Variants in FAM181A observed in about 807,000 individuals in gnomAD.
The protein encoded by FAM181A is family with sequence similarity 181 member A.
A neutral mutation model predicts 16.3 loss-of-function variants in FAM181A; 7 were observed. That is an observed-to-expected ratio of 0.43 (90% CI 0.24 to 0.81). The LOEUF (loss-of-function observed/expected upper bound fraction) is 0.81. Among genes scored for constraint, FAM181A ranks in the 30% least tolerant of loss-of-function variants. The pLI is 0.24. For missense variants in FAM181A, 349 were observed against 377.5 expected (o/e 0.92, Z 0.63); for synonymous variants, 183 against 164.9 (o/e 1.11, Z -0.84).
At chr14:93,925,309 A>C, upstream of FAM181A, 1 of 1,613,800 alleles carries the variant, frequency 6.2e-7, no homozygotes, top group Non-Finnish European at 8.5e-7. Context: ...GGAGAGAGGA[A>C]TGATGCAGCC....
intron 1 of FAM181A, among the ~76,000 whole-genome samples, chr14:93,921,704 A>C (rs1381697143): frequency 6.6e-6 from 1 of 151,268 alleles, no homozygotes; most frequent in African/African-American, 2.4e-5. Flanking sequence ...GTCGGGCCTA[A>C]CTCTCCAGGG....
upstream of FAM181A, among the ~76,000 whole-genome samples, chr14:93,923,040 T>C (rs1421589057): frequency 6.6e-6 from 1 of 152,010 alleles, no homozygotes; most frequent in Non-Finnish European, 1.5e-5. Flanking sequence ...AATGGCACAA[T>C]CTCAGCTCAC....
chr14:93,928,600 G>A lies in FAM181A; in HGVS notation c.315G>A (p.Arg105=). ...CKEKVLRNPY[R]EECLAKEQLP... is the part of the protein sequence containing the mutation. ...AGAAGGTGCTGAGGAACCCCTACAG[G>A]GAGGAATGTCTTGCTAAGGAGCAGC... The change falls in exon 2 of 2, where the codon AGG becomes AGA. Residue 105 remains arginine, a synonymous_variant. Transcript: ENST00000556222. The A allele has an allele frequency of 6.2e-7, 1 of 1,613,936 alleles. No individual in the cohort carries two copies. Among genetic ancestry groups the A allele is most frequent in the South Asian group, 1.1e-5 (1 of 91,088 alleles).
chr14:93,924,944 C>G (rs922327860), upstream of FAM181A: 10 of 352,230 alleles, frequency 2.8e-5, no homozygotes, highest in Non-Finnish European at 5.1e-5. Context: ...GAATACGGCT[C>G]TTGGCACATG....
chr14:93,921,617 G>A (rs575861596), intron 1 of FAM181A, among the ~76,000 whole-genome samples: 92 of 152,324 alleles, frequency 6.0e-4, no homozygotes, highest in African/African-American at 2.1e-3. Context: ...TGTCTGCGTC[G>A]CATGTCCACA....
chr14:93,924,207 A>G (rs560715290), upstream of FAM181A, among the ~76,000 whole-genome samples: 37 of 152,330 alleles, frequency 2.4e-4, 1 homozygote, highest in South Asian at 6.8e-3. Context: ...GTTAGACTTC[A>G]TCTTTGACTC....
At position 93,928,752 on chromosome 14, in the gene FAM181A, G is replaced by A. The variant is rs1211671570; in HGVS notation, c.467G>A (p.Gly156Glu). ...THSYHVGLEG[G>E]LGPREGPPYE... ...AGCTACCATGTGGGGCTGGAGGGGG[G>A]ACTGGGCCCCAGGGAGGGACCTCCC... Residue 156 changes from glycine (G) to glutamate (E), a missense_variant, in exon 2 of 2, where the codon GGA becomes GAA. Transcript: ENST00000556222. 1.9e-6 allele frequency: 3 copies of A among 1,613,970 alleles called. No individual in the cohort carries two copies. The highest frequency in any genetic ancestry group is 1.7e-5 in the Admixed American group (1 of 60,032).
upstream of FAM181A, among the ~76,000 whole-genome samples, chr14:93,924,847 T>A (rs529849420): frequency 6.6e-6 from 1 of 152,250 alleles, no homozygotes; most frequent in East Asian, 1.9e-4. Flanking sequence ...GGAAAGTAAC[T>A]CAACCTCACT....
At chr14:93,928,171 G>T in intron 1 of FAM181A, 28 bp from the exon 2 acceptor site, 3 of 1,602,704 alleles carry the variant, frequency 1.9e-6, no homozygotes, top group South Asian at 1.1e-5. Context: ...TGCTTGGAGA[G>T]ACTCCGATGG....
chr14:93,925,410 A>G, upstream of FAM181A: 1 of 1,589,750 alleles, frequency 6.3e-7, no homozygotes, highest in Non-Finnish European at 8.6e-7. Context: ...GAGAGGTTCA[A>G]ACTGTTGGCT....
Position 93,929,012 on chromosome 14 carries a change from A to G in FAM181A, c.727A>G (p.Arg243Gly). Residue 243 changes from arginine (R) to glycine (G), a missense_variant, in exon 2 of 2, where the codon AGG becomes GGG. Coordinates refer to ENST00000556222, the MANE Select transcript of FAM181A (RefSeq NM_001207073.2). ...QSPVPSLGLW[R>G]KSPAFPGELA... ...TCCTGTCCCCAGCCTGGGCCTTTGG[A>G]GGAAGAGCCCAGCCTTTCCCGGGGA... 1 of 1,609,284 alleles carries G rather than the reference A, an allele frequency of 6.2e-7. No individual in the cohort carries two copies. Among genetic ancestry groups the G allele is most frequent in the South Asian group, 1.1e-5 (1 of 90,976 alleles).
chr14:93,919,188 C>T (rs966974134), intron 1 of FAM181A, among the ~76,000 whole-genome samples: 3 of 152,114 alleles, frequency 2.0e-5, no homozygotes, highest in Non-Finnish European at 2.9e-5. Flanking sequence ...GGAAGGGCAC[C>T]GACTATGAAC....
At chr14:93,928,056 ACCCACAT>A in intron 1 of FAM181A, 136 bp from the exon 2 acceptor site, 1 of 1,341,310 alleles carries the variant, frequency 7.5e-7, no homozygotes, top group Non-Finnish European at 1.0e-6. Context: ...AGCCACTTGC[ACCCACAT>A]CCCTCTACCC....
At chr14:93,921,652 C>T (rs1354130480) in intron 1 of FAM181A, among the ~76,000 whole-genome samples, 4 of 152,214 alleles carry the variant, frequency 2.6e-5, no homozygotes, top group Non-Finnish European at 4.4e-5. Flanking sequence ...CCACTCTGTC[C>T]TCCGCGTGGC....
At chr14:93,923,099 C>T (rs565276870), upstream of FAM181A, among the ~76,000 whole-genome samples, 45 of 152,164 alleles carry the variant, frequency 3.0e-4, no homozygotes, top group South Asian at 3.3e-3. Context: ...CTCAGCCTCC[C>T]GAGTAGCTGG....
intron 1 of FAM181A, 89 bp from the exon 2 acceptor site, chr14:93,928,110 G>A: frequency 1.4e-5 from 22 of 1,540,664 alleles, no homozygotes; most frequent in Non-Finnish European, 1.9e-5. Flanking sequence ...CTGGGGTGGG[G>A]AGACTGTTTG....
upstream of FAM181A, among the ~76,000 whole-genome samples, chr14:93,923,221 C>A (rs373821176): frequency 6.6e-6 from 1 of 152,166 alleles, no homozygotes; most frequent in Non-Finnish European, 1.5e-5. Context: ...GTGATCCATC[C>A]GTGTCGGCCT....
chr14:93,926,129 A>C (rs1481910764), upstream of FAM181A: 1 of 153,198 alleles, frequency 6.5e-6, no homozygotes, highest in East Asian at 1.9e-4. This position sits in a 1 kb window ranked among gnomAD's most constrained non-coding sequence, Gnocchi z 5.2. Flanking sequence ...GGGGAAGAGA[A>C]AAGGAAGGGG....
Position 93,928,965 on chromosome 14 carries a change from C to A in FAM181A, c.680C>A (p.Pro227His). ...QYHGQPIYPG[P>H]LGALPQSPVP... is the part of the protein sequence containing the mutation. ...CATGGACAGCCCATCTATCCGGGCC[C>A]CCTGGGGGCACTGCCTCAGAGTCCT... is the stretch of plus-strand genomic sequence containing the variant. The change falls in exon 2 of 2, where the codon CCC becomes CAC. Residue 227 changes from proline to histidine, a missense_variant. Physicochemically the swap from Pro to His is moderately conservative, Grantham distance 77. Coordinates refer to ENST00000556222, the MANE Select transcript of FAM181A (RefSeq NM_001207073.2). 6.2e-7 allele frequency: 1 copy of A among 1,613,888 alleles called. No individual in the cohort carries two copies.
Sources: gnomAD v4.1 joint callset for allele counts (sites outside exome capture counted in the v4.1 genomes callset) on GRCh38, gnomAD v4.1.1 for gene constraint, Gnocchi (gnomAD v3.1) non-coding constraint, MANE v1.5 for transcripts, NCBI Gene and HGNC (gene_info 2026-07-23, HGNC 2026-07-21) for gene names.